Variants in CDH13 observed in about 807,000 individuals in gnomAD.
CDH13 encodes the protein cadherin-13.
Under a neutral mutation model 63.8 loss-of-function variants are expected in CDH13, and 24 were observed. The ratio of observed to expected loss-of-function variants is 0.38; its 90% CI spans 0.27 to 0.53. CDH13 has a LOEUF of 0.53. CDH13 is among the 20% of genes least tolerant of loss of function. The pLI is 0.85. For missense variants in CDH13, 1,049 were observed against 903.1 expected, an observed-to-expected ratio of 1.16 and a Z score of -2.07; for synonymous variants, 503 against 355.3, an observed-to-expected ratio of 1.42 and a Z score of -4.67.
intron 1 of CDH13, among the ~76,000 whole-genome samples, chr16:82,779,007 T>TC (rs1452607159): frequency 3.9e-5 from 6 of 152,146 alleles, no homozygotes; most frequent in African/African-American, 1.2e-4. Context: ...AGAATTGAGA[T>TC]CCCGGAAAGC....
intron 1 of CDH13, among the ~76,000 whole-genome samples, chr16:82,809,653 C>A (rs773033858): frequency 7.2e-5 from 11 of 152,040 alleles, no homozygotes; most frequent in Non-Finnish European, 4.4e-5. Context: ...ATATCTCAAG[C>A]AACATAAAGG....
chr16:82,886,196 T>C (rs2040881339), intron 2 of CDH13, among the ~76,000 whole-genome samples: 1 of 152,240 alleles, frequency 6.6e-6, no homozygotes, highest in Non-Finnish European at 1.5e-5. Context: ...ATTTAGACTA[T>C]ATCAAATTTC....
At chr16:83,239,801 C>A (rs1344747971) in intron 5 of CDH13, among the ~76,000 whole-genome samples, 3 of 152,148 alleles carry the variant, frequency 2.0e-5, no homozygotes, top group African/African-American at 7.2e-5. Context: ...AGCAGAAGAG[C>A]AGGCAGGTGA....
At chr16:83,251,618 G>T (rs1905543819) in intron 5 of CDH13, among the ~76,000 whole-genome samples, 1 of 152,234 alleles carries the variant, frequency 6.6e-6, no homozygotes, top group Admixed American at 6.5e-5. Context: ...CAGTTCTAGA[G>T]AAGGCACATC....
chr16:83,591,898 G>C (rs981053233), intron 7 of CDH13, among the ~76,000 whole-genome samples: 1 of 152,182 alleles, frequency 6.6e-6, no homozygotes, highest in Non-Finnish European at 1.5e-5. Flanking sequence ...ACTTTTAATA[G>C]AGTTTAGGGA....
At chr16:83,443,441 A>T (rs905317385) in intron 6 of CDH13, among the ~76,000 whole-genome samples, 6 of 152,176 alleles carry the variant, frequency 3.9e-5, no homozygotes, top group Non-Finnish European at 8.8e-5. Context: ...TACATTTTTG[A>T]CCTAAATAGA....
chr16:83,017,951 G>T (rs1262019189), intron 2 of CDH13, among the ~76,000 whole-genome samples: 3 of 152,156 alleles, frequency 2.0e-5, no homozygotes, highest in African/African-American at 4.8e-5. Context: ...GAATCAAGTA[G>T]GTTGGGAAAC....
rs553436311 is a variant in CDH13, at chr16:83,316,068, C to T, written c.637-28794C>T. Among the ~76,000 whole-genome samples, 13 of 152,246 alleles carry T rather than the reference C, an allele frequency of 8.5e-5. No individual in the cohort carries two copies. In the South Asian group the frequency reaches 1.7e-3, roughly 19 times the overall value. On this transcript the variant is annotated intron_variant, in intron 5 of 13. Transcript: ENST00000567109. ...ATCATGGTGGAAGGGGAAGGAAACA[C>T]GTCCTTCACATGGTGGCAGGAGAGA...
chr16:83,265,227 C>T (rs1202695358), intron 5 of CDH13, among the ~76,000 whole-genome samples: 5 of 152,152 alleles, frequency 3.3e-5, no homozygotes, highest in Non-Finnish European at 5.9e-5. Flanking sequence ...ATCACCCTGA[C>T]TGGCCATCAA....
intron 1 of CDH13, among the ~76,000 whole-genome samples, chr16:82,817,251 A>G (rs1199821960): frequency 6.6e-6 from 1 of 152,032 alleles, no homozygotes; most frequent in Non-Finnish European, 1.5e-5. Context: ...GCTTCTATCC[A>G]GCCCTACACC....
At position 83,798,049 on chromosome 16, in the gene CDH13, G is replaced by C. The variant is rs375021827; in HGVS notation, c.*3019G>C. ...CATTATAACGAAATAAATCCAGCCA[G>C]ATTTCATGGTAGGTATCAAATAAGA... On this transcript the variant is annotated 3_prime_UTR_variant, in exon 14 of 14. Coordinates refer to ENST00000567109, the MANE Select transcript of CDH13 (RefSeq NM_001257.5). 1 of 152,194 alleles carries C rather than the reference G, an allele frequency of 6.6e-6. No homozygotes were observed. The highest frequency in any genetic ancestry group is 1.5e-5 in the Non-Finnish European group (1 of 68,052). 9.4% of individuals were successfully genotyped at this position (152,194 alleles called of 1,614,324 possible).
intron 1 of CDH13, among the ~76,000 whole-genome samples, chr16:82,662,698 TAACAGCTTCTGCTATAGAAGGG>T (rs1912102823): frequency 6.6e-6 from 1 of 152,252 alleles, no homozygotes; most frequent in South Asian, 2.1e-4. Flanking sequence ...TTTGAGTCGA[TAACAGCTTCTGCTATAGAAGGG>T]GGCAGATCAC....
chr16:82,689,630 C>A (rs1272130495), intron 1 of CDH13, among the ~76,000 whole-genome samples: 1 of 151,944 alleles, frequency 6.6e-6, no homozygotes, highest in African/African-American at 2.4e-5. Context: ...TGTTTGATGC[C>A]CTAATGTTTA....
chr16:82,753,877 T>C (rs2034515785), intron 1 of CDH13, among the ~76,000 whole-genome samples: 1 of 152,234 alleles, frequency 6.6e-6, no homozygotes, highest in Non-Finnish European at 1.5e-5. Context: ...CCAAGGGCCA[T>C]CTGTCTTTCA....
At chr16:83,004,117 A>G (rs1021315262) in intron 2 of CDH13, among the ~76,000 whole-genome samples, 1 of 152,226 alleles carries the variant, frequency 6.6e-6, no homozygotes, top group East Asian at 1.9e-4. Context: ...AATGAATGCA[A>G]CTGTAGAATA....
intron 1 of CDH13, among the ~76,000 whole-genome samples, chr16:82,637,298 G>A (rs1251795355): frequency 6.6e-6 from 1 of 152,072 alleles, no homozygotes; most frequent in African/African-American, 2.4e-5. Context: ...TTCCGAACGT[G>A]TCTATCTTGT....
chr16:83,435,588 C>G (rs533635809), intron 6 of CDH13, among the ~76,000 whole-genome samples: 2 of 152,290 alleles, frequency 1.3e-5, no homozygotes, highest in East Asian at 3.9e-4. Flanking sequence ...GTGCCACGTG[C>G]TCTCTCCCTG....
At chr16:83,691,780 A>G (rs549573793) in intron 10 of CDH13, among the ~76,000 whole-genome samples, 35 of 152,178 alleles carry the variant, frequency 2.3e-4, no homozygotes, top group Admixed American at 3.9e-4. Context: ...TTTCACTAGC[A>G]TGTCTGATCC....
rs1555516431 is a variant in CDH13 at position 83,232,209 on chromosome 16, C to CTT, written c.636+14729_636+14730dup. On this transcript the variant is annotated intron_variant, in intron 5 of 13. Transcript: ENST00000567109. The stretch of plus-strand genomic sequence containing the variant: ...GTACCCTTGAAATTAAAAGTGTTTT[C>CTT]TTTTTTTTTTTTTTTTTTAAAAAAA... Among the ~76,000 whole-genome samples, 329 of 68,824 alleles carry CTT rather than the reference C, an allele frequency of 4.8e-3. 11 individuals are homozygous for CTT. Among genetic ancestry groups the CTT allele is most frequent in the Middle Eastern group, 0.019 (1 of 52 alleles). 45.2% of individuals were successfully genotyped at this position (68,824 alleles called of 152,430 possible).
Sources: gnomAD v4.1 joint callset for allele counts (sites outside exome capture counted in the v4.1 genomes callset) on GRCh38, gnomAD v4.1.1 for gene constraint, MANE v1.5 for transcripts, NCBI Gene and HGNC (gene_info 2026-07-23, HGNC 2026-07-21) for gene names.